The following MSH6 variants were observed in gnomAD, a reference collection of about 807,000 sequenced individuals.
MSH6 encodes the protein DNA mismatch repair protein Msh6.
In MSH6, 85 loss-of-function variants were observed where a neutral mutation model predicts 119.1. The ratio of observed to expected loss-of-function variants is 0.71; its 90% CI spans 0.60 to 0.85. The LOEUF is 0.85. Ranked by LOEUF, MSH6 falls within the 40% of genes least tolerant of loss-of-function variation. The probability of loss-of-function intolerance (pLI) is 0.00; values close to 1 mark genes in which losing one functional copy is unlikely to be tolerated. For missense variants in MSH6, 2,163 were observed against 1,655.3 expected, an observed-to-expected ratio of 1.31 and a Z score of -5.32; for synonymous variants, 830 against 586.9, an observed-to-expected ratio of 1.41 and a Z score of -5.99.
rs1436232875 is a variant in MSH6 at position 47,800,700 on chromosome 2, C to G, written c.2717C>G (p.Thr906Ser). 3 of 1,614,034 alleles carry G rather than the reference C, an allele frequency of 1.9e-6. No homozygotes were observed. The highest frequency in any genetic ancestry group is 2.5e-6 in the Non-Finnish European group (3 of 1,180,046). Residue 906 changes from threonine (T) to serine (S), a missense_variant, in exon 4 of 10, where the codon ACT becomes AGT. By Grantham distance (58) the Thr-to-Ser change is moderately conservative. Transcript: ENST00000234420. ...KNPEGRFPDLTVELNRWDTAF... is the reference protein window; with the variant it reads ...KNPEGRFPDLSVELNRWDTAF... Reference sequence around the variant, plus strand: ...CCTGAAGGTCGTTTTCCTGATTTGACTGTAGAATTGAACCGATGGGATACA... The same window carrying G: ...CCTGAAGGTCGTTTTCCTGATTTGAGTGTAGAATTGAACCGATGGGATACA...
At chr2:47,791,145 T>C (rs2104114264) in intron 2 of MSH6, 22 bp downstream of exon 2, 1 of 1,581,720 alleles carries the variant, frequency 6.3e-7, no homozygotes, top group Non-Finnish European at 8.7e-7. Context: ...TACTGCCATG[T>C]GTGTGTGTTT....
In MSH6 at chr2:47,806,887, G is replaced by A. The variant is rs1230548163; in HGVS notation, c.*27G>A. The A allele has an allele frequency of 5.3e-6, 8 of 1,522,498 alleles. No individual in the cohort carries two copies. Among genetic ancestry groups the A allele is most frequent in the Non-Finnish European group, 7.3e-6 (8 of 1,097,816 alleles). 94.3% of individuals were successfully genotyped at this position (1,522,498 alleles called of 1,614,324 possible). ...CTGACTACATTGGAAGCTTTGAGTT[G>A]ACTTCTGACAAAGGTGGTAAATTCA... On this transcript the variant is annotated 3_prime_UTR_variant, in exon 10 of 10. Transcript: ENST00000234420.
rs1322793152 is a variant in MSH6, at chr2:47,803,810, G to A, written c.3438+125G>A. On this transcript the variant is annotated intron_variant, in intron 5 of 9. Transcript: ENST00000234420. ...GCCAGTGACTTAATAGGAAGCAAAG[G>A]GAAATTACTCCCTGTGTTATAAAAT... The A allele has an allele frequency of 7.0e-6, 7 of 1,003,130 alleles. No individual in the cohort carries two copies. In the African/African-American group the frequency reaches 1.1e-4, roughly 16 times the overall value. 62.1% of individuals were successfully genotyped at this position (1,003,130 alleles called of 1,614,324 possible). A position where few individuals can be genotyped will look rare whatever the true frequency, so the allele number is the denominator to read the frequency against.
Position 47,806,848 on chromosome 2 carries a change from T to TCA in MSH6, c.4071_4072insCA (p.Lys1358GlnfsTer14). ...CTGTCCATAAATTGCTGACTTTGAT[T>TCA]AAGGAATTATAGACTGACTACATTG... On this transcript the variant is annotated frameshift_variant, in exon 10 of 10. Transcript: ENST00000234420. LOFTEE classifies it high-confidence loss of function. The TCA allele has an allele frequency of 1.2e-6, 2 of 1,611,136 alleles. No homozygotes were observed. Among genetic ancestry groups the TCA allele is most frequent in the African/African-American group, 1.3e-5 (1 of 74,740 alleles).
At position 47,800,229 on chromosome 2, in the gene MSH6, G is replaced by A. The variant is rs1060502916; in HGVS notation, c.2246G>A (p.Gly749Glu). Residue 749 changes from glycine to glutamate, a missense_variant, in exon 4 of 10, where the codon GGA becomes GAA. Transcript: ENST00000234420. The part of the protein sequence containing the change: ...TLNNLEIFLN[G>E]TNGSTEGTLL... The stretch of plus-strand genomic sequence containing the variant: ...AACAACTTGGAGATTTTTCTGAATG[G>A]AACAAATGGTTCTACTGAAGGAACC... 5.6e-6 allele frequency: 9 copies of A among 1,614,152 alleles called. No individual in the cohort carries two copies. The highest frequency in any genetic ancestry group is 7.6e-6 in the Non-Finnish European group (9 of 1,180,026).
chr2:47,787,107 G>A (rs1381033709), intron 1 of MSH6, among the ~76,000 whole-genome samples: 2 of 152,126 alleles, frequency 1.3e-5, no homozygotes, highest in African/African-American at 4.8e-5. Context: ...AGGCCAACAT[G>A]GCTAGACCCT....
At chr2:47,807,275 T>C, downstream of MSH6, 1 of 223,434 alleles carries the variant, frequency 4.5e-6, no homozygotes, top group African/African-American at 2.2e-5. Flanking sequence ...AGAGACTTTC[T>C]AAAGTGTACT....
chr2:47,787,433 T>A lies in MSH6; in HGVS notation c.261-3494T>A, dbSNP rs1253921119. ...ATTCAAAAGATCTGTTTAGCGTATG[T>A]TTAGACAAAGCCATTACTTATTATA... On this transcript the variant is annotated intron_variant, in intron 1 of 9. Transcript: ENST00000234420. 2.0e-5 allele frequency among the ~76,000 whole-genome samples: 3 copies of A among 152,228 alleles called. No homozygotes were observed. The East Asian group carries it at 5.8e-4, about 29-fold the overall frequency.
chr2:47,793,608 AAAAT>A lies in MSH6; in HGVS notation c.458-2262_458-2259del, dbSNP rs3136299. Among the ~76,000 whole-genome samples the A allele has an allele frequency of 2.2e-3, 326 of 151,252 alleles. 1 individual carries two copies. The highest frequency in any genetic ancestry group is 3.6e-3 in the Non-Finnish European group (246 of 67,768). On this transcript the variant is annotated intron_variant, in intron 2 of 9. Transcript: ENST00000234420. The stretch of plus-strand genomic sequence containing the variant: ...GGGAACGGAGTGAGACTTCATCTCA[AAAAT>A]AAATAAATAAATAAATAAATAAAAT...
chr2:47,788,641 C>T (rs1668501220), intron 1 of MSH6, among the ~76,000 whole-genome samples: 1 of 142,784 alleles, frequency 7.0e-6, no homozygotes, highest in Non-Finnish European at 1.5e-5. Flanking sequence ...ATGATCTGGG[C>T]TCACTGCAAC....
At chr2:47,803,007 G>A (rs1669696287) in intron 4 of MSH6, among the ~76,000 whole-genome samples, 1 of 152,072 alleles carries the variant, frequency 6.6e-6, no homozygotes, top group South Asian at 2.1e-4. Flanking sequence ...TGCCTCCCAG[G>A]TTCAAGTGAT....
chr2:47,800,924 A>G lies in MSH6; in HGVS notation c.2941A>G (p.Ile981Val), dbSNP rs730881799. ...TGGTAGGAACCGTTACCAGCTGGAA[A>G]TTCCTGAGAATTTCACCACTCGCAA... ...GIGRNRYQLE[I>V]PENFTTRNLP... The change falls in exon 4 of 10, where the codon ATT becomes GTT. Residue 981 changes from isoleucine to valine, a missense_variant. Transcript: ENST00000234420. 3 of 1,578,602 alleles carry G rather than the reference A, an allele frequency of 1.9e-6. No individual in the cohort carries two copies. The highest frequency in any genetic ancestry group is 1.7e-6 in the Non-Finnish European group (2 of 1,164,128).
At chr2:47,788,926 T>TTTTTTTTTTTTTTTTTTTTTTTA in intron 1 of MSH6, among the ~76,000 whole-genome samples, 1 of 79,832 alleles carries the variant, frequency 1.3e-5, no homozygotes, top group Non-Finnish European at 2.4e-5. Flanking sequence ...TTTTTTGTTT[T>TTTTTTTTTTTTTTTTTTTTTTTA]TTTTTTTTTT....
At chr2:47,803,749 G>C (rs2104488902) in intron 5 of MSH6, 64 bp downstream of exon 5, 1 of 1,592,556 alleles carries the variant, frequency 6.3e-7, no homozygotes, top group African/African-American at 1.3e-5. Context: ...AACATACTTA[G>C]GTGATCATTT....
In MSH6 at chr2:47,783,252, C is replaced by G. The variant is rs1064795094; in HGVS notation, c.19C>G (p.Leu7Val). The change falls in exon 1 of 10, where the codon CTG (leucine) becomes GTG (valine). Residue 7 changes from leucine to valine, a missense_variant. Leu to Val is a conservative substitution (Grantham distance 32). Coordinates refer to ENST00000234420, the MANE Select transcript of MSH6 (RefSeq NM_000179.3). ...TGTCGGTATGTCGCGACAGAGCACC[C>G]TGTACAGCTTCTTCCCCAAGTCTCC... Reference protein sequence around the residue: MSRQSTLYSFFPKSPAL... With the variant: MSRQSTVYSFFPKSPAL... The G allele has an allele frequency of 6.2e-7, 1 of 1,611,986 alleles. No individual in the cohort carries two copies. Among genetic ancestry groups the G allele is most frequent in the Non-Finnish European group, 8.5e-7 (1 of 1,179,534 alleles).
intron 2 of MSH6, 152 bp downstream of exon 2, chr2:47,791,275 G>T (rs999717691): frequency 2.8e-6 from 2 of 713,040 alleles, no homozygotes; most frequent in Non-Finnish European, 4.8e-6. Flanking sequence ...AAAGCTTCTG[G>T]CATGGGAAAG....
intron 2 of MSH6, among the ~76,000 whole-genome samples, chr2:47,795,110 GATTCTCAAACCTCTTTTAA>G (rs377001295): frequency 2.1e-4 from 32 of 152,190 alleles, no homozygotes; most frequent in African/African-American, 7.5e-4. Context: ...TTTTAAGAAA[GATTCTCAAACCTCTTTTAA>G]ATCGTCTGCC....
rs1668319509 is a variant in MSH6 at position 47,785,855 on chromosome 2, T to A, written c.260+2362T>A. On this transcript the variant is annotated intron_variant, in intron 1 of 9. Coordinates refer to ENST00000234420, the MANE Select transcript of MSH6 (RefSeq NM_000179.3). ...AGCGTATGTTATTTGTTTCTTGAGGTTGAGTTTAAGAGACTTGTAAAAATA... is the reference window on the plus strand; with the variant it reads ...AGCGTATGTTATTTGTTTCTTGAGGATGAGTTTAAGAGACTTGTAAAAATA... Among the ~76,000 whole-genome samples, 7 of 152,188 alleles carry A rather than the reference T, an allele frequency of 4.6e-5. No individual in the cohort carries two copies. The South Asian group carries it at 1.4e-3, about 32-fold the overall frequency.
intron 1 of MSH6, among the ~76,000 whole-genome samples, chr2:47,785,944 TTGATACTA>T (rs1668323157): frequency 6.6e-6 from 1 of 152,248 alleles, no homozygotes; most frequent in Admixed American, 6.5e-5. Flanking sequence ...AGATGGGCAT[TTGATACTA>T]GGTTTCTAAA....
Sources: gnomAD v4.1 joint callset for allele counts (sites outside exome capture counted in the v4.1 genomes callset) on GRCh38, gnomAD v4.1.1 for gene constraint, MANE v1.5 for transcripts, NCBI Gene and HGNC (gene_info 2026-07-23, HGNC 2026-07-21) for gene names.